Variants in RBM5 observed in about 807,000 individuals in gnomAD.
RBM5 encodes the protein RNA-binding protein 5.
Under a neutral mutation model 124.6 loss-of-function variants are expected in RBM5, and 15 were observed. The observed-to-expected ratio is 0.12, with a 90% CI of 0.08 to 0.19. RBM5 has a LOEUF of 0.19. RBM5 is among the 10% of genes least tolerant of loss of function. The pLI is 1.00. For missense variants in RBM5, 580 were observed against 1,026.5 expected (o/e 0.57, Z 5.94); for synonymous variants, 337 against 361.2 (o/e 0.93, Z 0.76).
rs1352812170 is a variant in RBM5 at position 50,089,024 on chromosome 3, C to T, written c.-59C>T. On this transcript the variant is annotated 5_prime_UTR_variant, in exon 1 of 25. Coordinates refer to ENST00000347869, the MANE Select transcript of RBM5 (RefSeq NM_005778.4). ...ACCGCTACTGCTGCTTCGGTCTCTCCTTGGGGTAAGTGCGGCGGCTGTCTG... is the reference window on the plus strand; with the variant it reads ...ACCGCTACTGCTGCTTCGGTCTCTCTTTGGGGTAAGTGCGGCGGCTGTCTG... The T allele has an allele frequency of 6.6e-6, 1 of 152,286 alleles. No homozygotes were observed. The highest frequency in any genetic ancestry group is 1.5e-5 in the Non-Finnish European group (1 of 68,076). The allele number at this position is 152,286 out of a possible 1,614,324, so 9.4% of individuals were successfully genotyped here.
intron 8 of RBM5, 139 bp downstream of exon 8, chr3:50,104,447 G>A: frequency 1.3e-6 from 1 of 781,628 alleles, no homozygotes; most frequent in Admixed American, 2.5e-5. Flanking sequence ...ATACCAGCCT[G>A]GCAAGAGATA....
chr3:50,113,195 C>T, intron 17 of RBM5, 188 bp from the exon 18 acceptor site: 1 of 492,834 alleles, frequency 2.0e-6, no homozygotes, highest in Non-Finnish European at 3.6e-6. Flanking sequence ...TATTTTTACT[C>T]TAGCAGTGTC....
chr3:50,109,655 G>T lies in RBM5; in HGVS notation c.1245G>T (p.Leu415=). Residue 415 remains leucine (L), a synonymous_variant, in exon 15 of 25, where the codon CTG becomes CTT. Coordinates refer to ENST00000347869, the MANE Select transcript of RBM5 (RefSeq NM_005778.4). ...SAAVVSQSPQ[L]YNQTSNPPGS... ...CTGTAGTGTCCCAGAGTCCTCAGCT[G>T]TATAATCAAACCTCCAATCCACCTG... 2 of 1,614,000 alleles carry T rather than the reference G, an allele frequency of 1.2e-6. No homozygotes were observed. Among genetic ancestry groups the T allele is most frequent in the Non-Finnish European group, 1.7e-6 (2 of 1,179,922 alleles).
chr3:50,117,308 C>T lies in RBM5; in HGVS notation c.2251C>T (p.Leu751=). The T allele has an allele frequency of 1.2e-6, 2 of 1,614,216 alleles. No individual in the cohort carries two copies. The highest frequency in any genetic ancestry group is 8.5e-7 in the Non-Finnish European group (1 of 1,180,032). Residue 751 remains leucine (L), a synonymous_variant, in exon 24 of 25, where the codon CTG becomes TTG. Coordinates refer to ENST00000347869, the MANE Select transcript of RBM5 (RefSeq NM_005778.4). This position sits in a 1 kb window ranked among gnomAD's most constrained non-coding sequence, Gnocchi z 4.2. ...CCACAGTAACATTGGCAACAAGATG[C>T]TGCAGGCCATGGGCTGGCGGGAAGG... ...IDHSNIGNKM[L]QAMGWREGSG... is the part of the protein sequence containing the mutation.
chr3:50,114,087 C>T lies in RBM5; in HGVS notation c.1755C>T (p.Leu585=). 2 of 1,614,160 alleles carry T rather than the reference C, an allele frequency of 1.2e-6. No homozygotes were observed. The highest frequency in any genetic ancestry group is 1.7e-6 in the Non-Finnish European group (2 of 1,180,042). ...ESAAADAGFA[L]FEKKGALAER... ...CTGCAGCAGACGCTGGCTTTGCTCT[C>T]TTTGAGAAGAAGGTAATAGCAGGAA... The change falls in exon 19 of 25, where the codon CTC becomes CTT. Residue 585 remains leucine, a synonymous_variant. Transcript: ENST00000347869.
intron 8 of RBM5, 190 bp from the exon 9 acceptor site, chr3:50,104,887 T>C: frequency 1.9e-6 from 1 of 521,588 alleles, no homozygotes; most frequent in African/African-American, 1.9e-5. Flanking sequence ...AGTCCCACTG[T>C]GGCCCAAAGT....
chr3:50,091,634 G>A (rs2090704123), intron 2 of RBM5, among the ~76,000 whole-genome samples: 1 of 152,182 alleles, frequency 6.6e-6, no homozygotes, highest in South Asian at 2.1e-4. Flanking sequence ...AGATGAGCCA[G>A]GGATGTACTT....
At chr3:50,089,470 G>C (rs2090661456) in intron 1 of RBM5, among the ~76,000 whole-genome samples, 1 of 152,200 alleles carries the variant, frequency 6.6e-6, no homozygotes, top group Non-Finnish European at 1.5e-5. Flanking sequence ...GGGCATGTGC[G>C]GGGAGGGCAG....
chr3:50,093,370 C>T (rs1276376952), intron 3 of RBM5, among the ~76,000 whole-genome samples: 1 of 150,458 alleles, frequency 6.6e-6, no homozygotes, highest in Non-Finnish European at 1.5e-5. Flanking sequence ...ACCCAGGAGG[C>T]AGAGGTTGCA....
chr3:50,115,681 G>T, intron 21 of RBM5, 74 bp downstream of exon 21: 19 of 1,506,742 alleles, frequency 1.3e-5, no homozygotes, highest in Non-Finnish European at 1.7e-5. Context: ...TAACAGTCCT[G>T]ACGGTTCCAA....
rs1022519202 is a variant in RBM5 at position 50,112,339 on chromosome 3, C to T, written c.1456-1044C>T. Among the ~76,000 whole-genome samples the T allele has an allele frequency of 3.4e-5, 5 of 147,952 alleles. No individual in the cohort carries two copies. The East Asian group carries it at 9.8e-4, about 29-fold the overall frequency. ...GCTGAGGCAGGAGAATGGCGTGAAC[C>T]CGGGAGGTGGAGCTGGCAGTAAGCG... On this transcript the variant is annotated intron_variant, in intron 17 of 24. Coordinates refer to ENST00000347869, the MANE Select transcript of RBM5 (RefSeq NM_005778.4).
intron 12 of RBM5, 63 bp from the exon 13 acceptor site, chr3:50,108,007 C>A: frequency 7.1e-7 from 1 of 1,404,026 alleles, no homozygotes; most frequent in Non-Finnish European, 1.0e-6. Context: ...TTTTTAGGGA[C>A]TTCTGAATTT....
chr3:50,116,099 C>T (rs2091247443), intron 22 of RBM5, 119 bp downstream of exon 22: 2 of 934,456 alleles, frequency 2.1e-6, no homozygotes, highest in Non-Finnish European at 3.4e-6. Context: ...ATACCCTTGT[C>T]ATCTGACCAT....
At chr3:50,113,329 C>T (rs2091182840) in intron 17 of RBM5, 54 bp from the exon 18 acceptor site, 8 of 1,533,406 alleles carry the variant, frequency 5.2e-6, no homozygotes, top group Non-Finnish European at 5.3e-6. Context: ...AATATGTAAT[C>T]GACTGACATA....
Position 50,114,259 on chromosome 3 carries a change from A to C in RBM5, c.1839+8A>C, listed in dbSNP as rs1484544304. On this transcript the variant is annotated splice_region_variant and intron_variant, in intron 20 of 24. Coordinates refer to ENST00000347869, the MANE Select transcript of RBM5 (RefSeq NM_005778.4). ...GAGGAGAATCCCCTCAAAGTAAGGG[A>C]GTACCACCAGTGTTTTAAAGACCCT... 1 of 1,597,836 alleles carries C rather than the reference A, an allele frequency of 6.3e-7. No homozygotes were observed. Among genetic ancestry groups the C allele is most frequent in the African/African-American group, 1.4e-5 (1 of 73,692 alleles).
chr3:50,095,745 A>T, intron 4 of RBM5, among the ~76,000 whole-genome samples: 1 of 151,972 alleles, frequency 6.6e-6, no homozygotes, highest in East Asian at 1.9e-4. Flanking sequence ...CACATGTCTC[A>T]TCTCTACCAC....
chr3:50,093,285 A>G (rs2090742290), intron 3 of RBM5, among the ~76,000 whole-genome samples: 2 of 151,772 alleles, frequency 1.3e-5, no homozygotes, highest in South Asian at 2.1e-4. Flanking sequence ...TAAAAATACA[A>G]AAAATTAGCT....
At position 50,107,509 on chromosome 3, in the gene RBM5, C is replaced by T. The variant is rs765989584; in HGVS notation, c.981C>T (p.Arg327=). 9.3e-6 allele frequency: 15 copies of T among 1,608,164 alleles called. No homozygotes were observed. Among genetic ancestry groups the T allele is most frequent in the Middle Eastern group, 1.6e-4 (1 of 6,074 alleles). Residue 327 remains arginine (R), a synonymous_variant, in exon 12 of 25, where the codon CGC becomes CGT. Transcript: ENST00000347869. ...RKDLVLSDGN[R]VSAFSVASTA... ...ACTTGGTCCTCTCAGATGGTAACCGCGTCAGCGCTTTCTCTGTAGCTAGTA... is the reference window on the plus strand; with the variant it reads ...ACTTGGTCCTCTCAGATGGTAACCGTGTCAGCGCTTTCTCTGTAGCTAGTA...
Position 50,115,959 on chromosome 3 carries a change from C to G in RBM5, c.2073C>G (p.Ala691=), listed in dbSNP as rs2091244033. The change falls in exon 22 of 25, where the codon GCC becomes GCG. Residue 691 remains alanine, a synonymous_variant. Coordinates refer to ENST00000347869, the MANE Select transcript of RBM5 (RefSeq NM_005778.4). ...GGCTGAGCGAGCAGGAGCTGGAAGC[C>G]TTGGAGCTAAGGGAGAGAGAGGTGA... ...RSRLSEQELE[A]LELREREMKY... is the part of the protein sequence containing the mutation. 2 of 1,613,592 alleles carry G rather than the reference C, an allele frequency of 1.2e-6. No individual in the cohort carries two copies. Among genetic ancestry groups the G allele is most frequent in the African/African-American group, 2.7e-5 (2 of 74,896 alleles).
Sources: allele counts gnomAD v4.1 joint callset (sites outside exome capture counted in the v4.1 genomes callset), GRCh38; gene constraint gnomAD v4.1.1; non-coding constraint Gnocchi (gnomAD v3.1); transcripts MANE v1.5; gene names NCBI Gene and HGNC (gene_info 2026-07-23, HGNC 2026-07-21).